PTPRN2: variants seen among roughly 807,000 people sequenced by gnomAD.
PTPRN2 encodes the protein receptor-type tyrosine-protein phosphatase N2.
PTPRN2 carries 74 observed loss-of-function variants against 118.8 expected under a neutral mutation model. The ratio of observed to expected loss-of-function variants is 0.62; its 90% CI spans 0.52 to 0.76. The LOEUF (loss-of-function observed/expected upper bound fraction) is 0.76, where lower values mean the gene tolerates loss of function less well. PTPRN2 is among the 30% of genes least tolerant of loss of function. The pLI is 0.00. For synonymous variants in PTPRN2, 641 were observed against 608.0 expected (o/e 1.05, Z -0.80); for missense variants, 1,481 against 1,394.4 (o/e 1.06, Z -0.99).
At chr7:158,393,547 G>A (rs549556155) in intron 2 of PTPRN2, among the ~76,000 whole-genome samples, 195 of 152,178 alleles carry the variant, frequency 1.3e-3, no homozygotes, top group African/African-American at 4.2e-3. Context: ...TCTCAGGCCC[G>A]GCACCTGCTG....
At chr7:158,072,672 G>A (rs561208651) in intron 11 of PTPRN2, among the ~76,000 whole-genome samples, 172 of 152,220 alleles carry the variant, frequency 1.1e-3, no homozygotes, top group Admixed American at 2.6e-3. Context: ...GAACTTTCCT[G>A]GGCTCACCAA....
intron 11 of PTPRN2, among the ~76,000 whole-genome samples, chr7:158,016,719 G>C (rs970612933): frequency 6.6e-6 from 1 of 152,240 alleles, no homozygotes; most frequent in African/African-American, 2.4e-5. Context: ...GCCAATTAAC[G>C]TGGAGAGAAT....
chr7:158,312,787 A>G (rs925652114), intron 3 of PTPRN2, among the ~76,000 whole-genome samples: 330 of 150,750 alleles, frequency 2.2e-3, no homozygotes, highest in African/African-American at 7.4e-3. Context: ...ACACGCACAC[A>G]CACCTGCACA....
At chr7:157,771,991 TGAAC>T (rs1802864654) in intron 12 of PTPRN2, among the ~76,000 whole-genome samples, 1 of 118,004 alleles carries the variant, frequency 8.5e-6, no homozygotes. Flanking sequence ...CGGACACACA[TGAAC>T]ACACACAGAT....
chr7:158,340,486 T>C (rs62481710), intron 2 of PTPRN2, among the ~76,000 whole-genome samples: 4 of 46,534 alleles, frequency 8.6e-5, no homozygotes, highest in Non-Finnish European at 1.9e-4. Context: ...CTCACCATAA[T>C]AGGTGACACC....
intron 20 of PTPRN2, among the ~76,000 whole-genome samples, chr7:157,570,787 A>G (rs1799717396): frequency 6.6e-6 from 1 of 152,122 alleles, no homozygotes; most frequent in Non-Finnish European, 1.5e-5. Flanking sequence ...GAGGGTTCTG[A>G]GCCTCTGCTG....
At chr7:158,530,114 A>C (rs10081191) in intron 1 of PTPRN2, among the ~76,000 whole-genome samples, 71,597 of 151,946 alleles carry the variant, frequency 0.47, 17,197 homozygotes, top group East Asian at 0.68. Flanking sequence ...GCTGACCCCA[A>C]AAATAAGTAG....
At chr7:158,304,848 ATT>A (rs1190134345) in intron 3 of PTPRN2, among the ~76,000 whole-genome samples, 1 of 152,196 alleles carries the variant, frequency 6.6e-6, no homozygotes, top group African/African-American at 2.4e-5. Context: ...CAGACTCTTA[ATT>A]AATTCCCTCT....
chr7:158,045,217 C>G (rs777519904), intron 11 of PTPRN2, among the ~76,000 whole-genome samples: 4 of 152,306 alleles, frequency 2.6e-5, no homozygotes, highest in Non-Finnish European at 5.9e-5. Context: ...ATGTGGCGCA[C>G]AGCAGCCCAT....
intron 2 of PTPRN2, among the ~76,000 whole-genome samples, chr7:158,414,522 T>G (rs1814482073): frequency 6.6e-6 from 1 of 152,236 alleles, no homozygotes; most frequent in Admixed American, 6.5e-5. Context: ...AAATTAGATG[T>G]TCTCCGGGCT....
intron 2 of PTPRN2, among the ~76,000 whole-genome samples, chr7:158,483,985 T>A (rs10267186): frequency 0.34 from 50,504 of 150,504 alleles, 8,560 homozygotes; most frequent in South Asian, 0.41. Context: ...AAAAAAAAAA[T>A]TTTTTTTAAA....
chr7:158,473,560 T>C (rs1012169333), intron 2 of PTPRN2, among the ~76,000 whole-genome samples: 2 of 152,096 alleles, frequency 1.3e-5, no homozygotes, highest in African/African-American at 4.8e-5. Context: ...GCAACTAGAC[T>C]CCAAGAAAAG....
At chr7:158,019,053 C>G (rs982891027) in intron 11 of PTPRN2, among the ~76,000 whole-genome samples, 1 of 150,206 alleles carries the variant, frequency 6.7e-6, no homozygotes. Context: ...AGTAGAAACT[C>G]ACTCTAACGT....
intron 3 of PTPRN2, among the ~76,000 whole-genome samples, chr7:158,288,373 CTG>C (rs1417249569): frequency 1.3e-5 from 2 of 152,140 alleles, no homozygotes; most frequent in Non-Finnish European, 2.9e-5. Context: ...CTTTCATCCT[CTG>C]TGTCTGTCTT....
At chr7:158,222,823 AATAAGG>A (rs1285527109) in intron 3 of PTPRN2, among the ~76,000 whole-genome samples, 3 of 152,224 alleles carry the variant, frequency 2.0e-5, no homozygotes, top group African/African-American at 7.2e-5. Flanking sequence ...GAAAATAAAT[AATAAGG>A]ATAAGAAAAG....
intron 12 of PTPRN2, among the ~76,000 whole-genome samples, chr7:157,727,748 G>A (rs1343711082): frequency 2.0e-5 from 3 of 152,246 alleles, no homozygotes; most frequent in Admixed American, 6.5e-5. Flanking sequence ...GAGAGAACCA[G>A]AAGTGTCACG....
intron 12 of PTPRN2, among the ~76,000 whole-genome samples, chr7:157,884,770 AG>A (rs1398415085): frequency 1.1e-4 from 16 of 152,180 alleles, no homozygotes; most frequent in Admixed American, 9.8e-4. Flanking sequence ...GGGAAAGACC[AG>A]CCCCCATGAT....
At chr7:158,150,187 T>A (rs548988109) in intron 6 of PTPRN2, among the ~76,000 whole-genome samples, 1 of 152,314 alleles carries the variant, frequency 6.6e-6, no homozygotes, top group East Asian at 1.9e-4. Flanking sequence ...GGGCAGTGTG[T>A]GTGAGACCCA....
chr7:158,540,395 AG>A, intron 1 of PTPRN2, among the ~76,000 whole-genome samples: 1 of 152,116 alleles, frequency 6.6e-6, no homozygotes, highest in Non-Finnish European at 1.5e-5. Context: ...GCACAAGCTC[AG>A]CCCCCAGCCT....
Sources: allele counts gnomAD v4.1 joint callset (sites outside exome capture counted in the v4.1 genomes callset), GRCh38; gene constraint gnomAD v4.1.1; transcripts MANE v1.5; gene names NCBI Gene and HGNC (gene_info 2026-07-23, HGNC 2026-07-21).